PRDM5: variants seen among roughly 807,000 people sequenced by gnomAD.
The protein encoded by PRDM5 is PR/SET domain 5.
A neutral mutation model predicts 81.2 loss-of-function variants in PRDM5; 56 were observed. The observed-to-expected ratio is 0.69, with a 90% CI of 0.56 to 0.86. The LOEUF (loss-of-function observed/expected upper bound fraction) is 0.86. Among genes scored for constraint, PRDM5 ranks in the 40% least tolerant of loss-of-function variants. The pLI is 0.00. For missense variants in PRDM5, 697 were observed against 770.1 expected (o/e 0.91, Z 1.12); for synonymous variants, 267 against 256.4 (o/e 1.04, Z -0.39).
rs781297421 is a variant in PRDM5 at position 120,821,295 on chromosome 4, C to T, written c.351G>A (p.Thr117=). The T allele has an allele frequency of 1.2e-5, 20 of 1,613,948 alleles. No homozygotes were observed. The highest frequency in any genetic ancestry group is 6.7e-5 in the East Asian group (3 of 44,862). ...TATCCAGGTAGCCAATCAGAAGCTC[C>T]GTGTCTGTTTCTATATCTTCAACTG... ...YLAVEDIETD[T]ELLIGYLDSD... is the part of the protein sequence containing the mutation. The change falls in exon 4 of 16, where the codon ACG becomes ACA. Residue 117 remains threonine, a synonymous_variant. Transcript: ENST00000264808.
intron 2 of PRDM5, among the ~76,000 whole-genome samples, chr4:120,857,077 C>A (rs1759962045): frequency 6.6e-6 from 1 of 152,130 alleles, no homozygotes; most frequent in African/African-American, 2.4e-5. Context: ...AGGAAACATG[C>A]CAGGAAGGTG....
chr4:120,730,240 T>G (rs1180805482), intron 14 of PRDM5, among the ~76,000 whole-genome samples: 1 of 152,180 alleles, frequency 6.6e-6, no homozygotes. Context: ...ATCTATGTCA[T>G]AGCATTTTGC....
At chr4:120,710,723 C>T (rs1232439866) in intron 14 of PRDM5, among the ~76,000 whole-genome samples, 2 of 152,090 alleles carry the variant, frequency 1.3e-5, no homozygotes, top group African/African-American at 2.4e-5. Flanking sequence ...CCACTTTGCT[C>T]CATGCTTCTC....
chr4:120,806,270 T>G (rs772733363), intron 8 of PRDM5, among the ~76,000 whole-genome samples: 101 of 152,192 alleles, frequency 6.6e-4, no homozygotes, highest in Non-Finnish European at 1.1e-3. Flanking sequence ...ATGGCCATAC[T>G]GCCCAAGGTA....
intron 14 of PRDM5, 42 bp downstream of exon 14, chr4:120,754,511 G>A (rs1031274978): frequency 7.4e-7 from 1 of 1,344,104 alleles, no homozygotes; most frequent in African/African-American, 1.4e-5. Context: ...AAATAAGTAT[G>A]GTTTTCATGA....
Position 120,907,486 on chromosome 4 carries a change from C to T in PRDM5, c.165G>A (p.Arg55=), listed in dbSNP as rs1462567257. 1.2e-6 allele frequency: 2 copies of T among 1,608,292 alleles called. No individual in the cohort carries two copies. Among genetic ancestry groups the T allele is most frequent in the South Asian group, 2.2e-5 (2 of 90,932 alleles). The change falls in exon 2 of 16, where the codon AGG becomes AGA. Residue 55 remains arginine, a synonymous_variant. Transcript: ENST00000264808. ...PEDLDENMDY[R]LMWEVRGSKG... ...GTCATATCCTCACCTCCCACATCAA[C>T]CTGTAATCCATATTTTCATCCAAGT...
At chr4:120,703,954 A>G (rs1735748832) in intron 15 of PRDM5, among the ~76,000 whole-genome samples, 1 of 152,214 alleles carries the variant, frequency 6.6e-6, no homozygotes, top group Admixed American at 6.5e-5. Flanking sequence ...TGAAAATGTA[A>G]GAAAGGTTCT....
chr4:120,859,519 C>A (rs980582664), intron 2 of PRDM5, among the ~76,000 whole-genome samples: 5 of 152,076 alleles, frequency 3.3e-5, no homozygotes, highest in African/African-American at 1.2e-4. Flanking sequence ...GTGTTCACAC[C>A]CAGCCATGTC....
At chr4:120,754,827 CT>C (rs1744499504) in intron 13 of PRDM5, among the ~76,000 whole-genome samples, 189 bp from the exon 14 acceptor site, 1 of 152,220 alleles carries the variant, frequency 6.6e-6, no homozygotes, top group Non-Finnish European at 1.5e-5. Context: ...GTGGCCTCCC[CT>C]CCTGTGGAGA....
chr4:120,899,513 T>C lies in PRDM5; in HGVS notation c.177+7961A>G, dbSNP rs1016936297. ...CCAATCCAGCTTTTCTGGAGCTAGG[T>C]ACTTAGAAAATTATTGCATGCTGTA... On this transcript the variant is annotated intron_variant, in intron 2 of 15. Coordinates refer to ENST00000264808, the MANE Select transcript of PRDM5 (RefSeq NM_018699.4). Among the ~76,000 whole-genome samples, 5 of 152,270 alleles carry C rather than the reference T, an allele frequency of 3.3e-5. No individual in the cohort carries two copies. The South Asian group carries it at 1.0e-3, about 32-fold the overall frequency.
At chr4:120,728,945 T>C (rs1739851220) in intron 14 of PRDM5, among the ~76,000 whole-genome samples, 2 of 152,186 alleles carry the variant, frequency 1.3e-5, no homozygotes, top group Admixed American at 6.5e-5. Flanking sequence ...GTAAAGAATA[T>C]AATTTTACAA....
intron 14 of PRDM5, among the ~76,000 whole-genome samples, chr4:120,748,809 G>A (rs879500117): frequency 6.6e-6 from 1 of 152,052 alleles, no homozygotes; most frequent in Non-Finnish European, 1.5e-5. Context: ...GTTTGCTGAG[G>A]CTTGCCTGAG....
At chr4:120,794,564 A>T (rs939826028) in intron 10 of PRDM5, among the ~76,000 whole-genome samples, 1 of 136,162 alleles carries the variant, frequency 7.3e-6, no homozygotes, top group African/African-American at 2.7e-5. Flanking sequence ...CACACATACA[A>T]ATACACACAA....
intron 4 of PRDM5, among the ~76,000 whole-genome samples, chr4:120,819,617 T>C (rs1755002468): frequency 6.6e-6 from 1 of 152,148 alleles, no homozygotes; most frequent in Non-Finnish European, 1.5e-5. Context: ...TGTTGATTCT[T>C]TTTACAAAGA....
intron 2 of PRDM5, among the ~76,000 whole-genome samples, chr4:120,889,422 A>G (rs1161295185): frequency 1.3e-5 from 2 of 152,178 alleles, no homozygotes; most frequent in East Asian, 1.9e-4. Flanking sequence ...ATCTGGTTGT[A>G]TAAGTCCTCC....
intron 10 of PRDM5, among the ~76,000 whole-genome samples, chr4:120,786,446 T>C (rs1749773331): frequency 6.6e-6 from 1 of 152,064 alleles, no homozygotes; most frequent in Non-Finnish European, 1.5e-5. Context: ...TACATGAACA[T>C]TTAGTACAGG....
In PRDM5 at chr4:120,779,800, G is replaced by T. The variant is rs139568033; in HGVS notation, c.1443+1343C>A. ...CACCTATAATCCCAGCTACTTGGGA[G>T]TTTGAGGCTCAAGAATTGCTTGAAC... On this transcript the variant is annotated intron_variant, in intron 12 of 15. Transcript: ENST00000264808. Among the ~76,000 whole-genome samples, 4 of 152,230 alleles carry T rather than the reference G, an allele frequency of 2.6e-5. No homozygotes were observed. In the East Asian group the frequency reaches 7.7e-4, roughly 29 times the overall value.
At chr4:120,797,943 A>G (rs1489001026) in intron 10 of PRDM5, among the ~76,000 whole-genome samples, 1 of 152,208 alleles carries the variant, frequency 6.6e-6, no homozygotes, top group Non-Finnish European at 1.5e-5. Flanking sequence ...GATGAAGAGA[A>G]TTTCAAAAAG....
At chr4:120,686,958 T>G (rs2148975499), downstream of PRDM5, among the ~76,000 whole-genome samples, 1 of 152,172 alleles carries the variant, frequency 6.6e-6, no homozygotes, top group East Asian at 1.9e-4. Context: ...AAATTGTATA[T>G]TTGTAATATG....
Sources: gnomAD v4.1 joint callset for allele counts (sites outside exome capture counted in the v4.1 genomes callset) on GRCh38, gnomAD v4.1.1 for gene constraint, MANE v1.5 for transcripts, NCBI Gene and HGNC (gene_info 2026-07-23, HGNC 2026-07-21) for gene names.